RICTOR: variants seen among roughly 807,000 people sequenced by gnomAD.
RICTOR encodes rapamycin-insensitive companion of mTOR.
A neutral mutation model predicts 214.9 loss-of-function variants in RICTOR; 49 were observed. That is an observed-to-expected ratio of 0.23 (90% CI 0.18 to 0.29). RICTOR has a LOEUF of 0.29. Among genes scored for constraint, RICTOR ranks in the 10% least tolerant of loss-of-function variants. The pLI, the probability that RICTOR is intolerant of heterozygous loss-of-function variation, is 1.00. For missense variants in RICTOR, 1,625 were observed against 2,047.0 expected (o/e 0.79, Z 3.98); for synonymous variants, 717 against 711.3 (o/e 1.01, Z -0.13).
At chr5:38,980,205 T>C (rs1751588036) in intron 8 of RICTOR, among the ~76,000 whole-genome samples, 1 of 152,206 alleles carries the variant, frequency 6.6e-6, no homozygotes, top group Non-Finnish European at 1.5e-5. Flanking sequence ...TTTTCCTCTA[T>C]CTGAATCACC....
rs1022374788 is a variant in RICTOR at position 38,954,864 on chromosome 5, A to G, written c.2610-3T>C. 1.9e-5 allele frequency: 28 copies of G among 1,455,726 alleles called. No individual in the cohort carries two copies. The highest frequency in any genetic ancestry group is 2.6e-5 in the Non-Finnish European group (27 of 1,040,986). 90.2% of individuals were successfully genotyped at this position (1,455,726 alleles called of 1,614,324 possible). A position where few individuals can be genotyped will look rare whatever the true frequency, so the allele number is the denominator to read the frequency against. On this transcript the variant is annotated splice_region_variant and splice_polypyrimidine_tract_variant and intron_variant, in intron 26 of 37. Coordinates refer to ENST00000357387, the MANE Select transcript of RICTOR (RefSeq NM_152756.5). ...GGTAGACGTGAGGACGCTGTAATCT[A>G]GTATAATAAAGATGATTACTATATC... is the stretch of plus-strand genomic sequence containing the variant.
chr5:39,074,341 G>C lies in RICTOR; in HGVS notation c.37C>G (p.Leu13Val), dbSNP rs1313837026. The C allele has an allele frequency of 6.5e-7, 1 of 1,541,462 alleles. No homozygotes were observed. Among genetic ancestry groups the C allele is most frequent in the Admixed American group, 2.0e-5 (1 of 49,750 alleles). The change falls in exon 1 of 38, where the codon CTC becomes GTC. Residue 13 changes from leucine (L) to valine (V), a missense_variant. Coordinates refer to ENST00000357387, the MANE Select transcript of RICTOR (RefSeq NM_152756.5). ...AIGRGRSLKN[L>V]RVRGRNDSGE... Reference sequence around the variant, plus strand: ...GCAGCGGGCTTACCTCGTACTCGGAGGTTCTTCAGAGAGCGGCCGCGGCCG... The same window carrying C: ...GCAGCGGGCTTACCTCGTACTCGGACGTTCTTCAGAGAGCGGCCGCGGCCG...
chr5:38,949,522 T>TC (rs1748517830), intron 31 of RICTOR, 190 bp downstream of exon 31: 3 of 1,197,294 alleles, frequency 2.5e-6, no homozygotes, highest in Non-Finnish European at 3.5e-6. Flanking sequence ...AGGATTTTCT[T>TC]CCCCCCTCGC....
intron 2 of RICTOR, among the ~76,000 whole-genome samples, chr5:39,063,937 A>G (rs16868053): frequency 0.031 from 4,755 of 152,298 alleles, 125 homozygotes; most frequent in South Asian, 0.082. Flanking sequence ...CATCTTTAAC[A>G]GGATATGTTT....
At chr5:38,955,392 T>G (rs1473126898) in intron 26 of RICTOR, among the ~76,000 whole-genome samples, 1 of 151,982 alleles carries the variant, frequency 6.6e-6, no homozygotes, top group Non-Finnish European at 1.5e-5. Context: ...AAATACAGAC[T>G]GGGGTGCCAG....
chr5:39,020,318 GAA>G (rs1561539836), intron 3 of RICTOR, among the ~76,000 whole-genome samples: 1 of 152,280 alleles, frequency 6.6e-6, no homozygotes, highest in African/African-American at 2.4e-5. Flanking sequence ...ATGCTACGGA[GAA>G]ATCTTTCGTG....
chr5:39,034,641 T>G (rs1263318290), intron 2 of RICTOR, among the ~76,000 whole-genome samples: 2 of 152,212 alleles, frequency 1.3e-5, no homozygotes, highest in Non-Finnish European at 2.9e-5. Context: ...TCCAATGGGC[T>G]TAACAAACGG....
In RICTOR at chr5:38,999,753, T is replaced by C. The variant is rs143755961; in HGVS notation, c.392+2782A>G. Among the ~76,000 whole-genome samples, 233 of 152,140 alleles carry C rather than the reference T, an allele frequency of 1.5e-3. 2 individuals carry two copies. The highest frequency in any genetic ancestry group is 5.4e-3 in the African/African-American group (224 of 41,528). On this transcript the variant is annotated intron_variant, in intron 5 of 37. Coordinates refer to ENST00000357387, the MANE Select transcript of RICTOR (RefSeq NM_152756.5). The stretch of plus-strand genomic sequence containing the variant: ...TCATAAATACACACAAATAATTACA[T>C]TAGACAAAGTCCATAAATCATGCAC...
intron 2 of RICTOR, among the ~76,000 whole-genome samples, chr5:39,051,042 TACACACACACAC>T (rs111723153): frequency 5.5e-5 from 8 of 145,654 alleles, no homozygotes; most frequent in Admixed American, 2.1e-4. Flanking sequence ...TACATATATA[TACACACACACAC>T]ACACACACAC....
chr5:38,976,914 C>A (rs1751277688), intron 9 of RICTOR, among the ~76,000 whole-genome samples: 1 of 152,188 alleles, frequency 6.6e-6, no homozygotes, highest in Non-Finnish European at 1.5e-5. Flanking sequence ...ATCTCTGGGT[C>A]CTGTGAACAT....
chr5:38,943,074 G>C (rs1747766879), intron 36 of RICTOR, 103 bp from the exon 37 acceptor site: 5 of 721,852 alleles, frequency 6.9e-6, no homozygotes, highest in Non-Finnish European at 1.2e-5. Flanking sequence ...TACAGATATG[G>C]ATTAGATGGC....
chr5:38,970,479 G>A (rs1750687154), intron 11 of RICTOR: 1 of 152,166 alleles, frequency 6.6e-6, no homozygotes, highest in African/African-American at 2.4e-5. Context: ...ACAGTAAGAA[G>A]TGAATTATCT....
At chr5:38,996,741 A>C (rs749098379) in intron 6 of RICTOR, 78 bp downstream of exon 6, 74 of 847,720 alleles carry the variant, frequency 8.7e-5, no homozygotes, top group Non-Finnish European at 1.4e-4. Context: ...TAAAGATTTC[A>C]CAAAAGTCTA....
At chr5:38,948,656 G>C (rs1411451566) in intron 31 of RICTOR, among the ~76,000 whole-genome samples, 1 of 152,064 alleles carries the variant, frequency 6.6e-6, no homozygotes, top group Admixed American at 6.6e-5. Flanking sequence ...CAAAATTCAT[G>C]AACTTTACTG....
chr5:38,976,077 T>A lies in RICTOR; in HGVS notation c.822-473A>T, dbSNP rs192470782. Among the ~76,000 whole-genome samples the A allele has an allele frequency of 1.1e-3, 170 of 152,352 alleles. 1 individual carries two copies. The highest frequency in any genetic ancestry group is 7.1e-3 in the East Asian group (37 of 5,192). On this transcript the variant is annotated intron_variant, in intron 9 of 37. Transcript: ENST00000357387. Reference sequence around the variant, plus strand: ...ACTGAAATGTTATGAAATAACTACATATTAACATCACCAGCTACTTTCTTC... The same window carrying A: ...ACTGAAATGTTATGAAATAACTACAAATTAACATCACCAGCTACTTTCTTC...
At chr5:39,016,881 T>C (rs1378415445) in intron 3 of RICTOR, among the ~76,000 whole-genome samples, 1 of 152,174 alleles carries the variant, frequency 6.6e-6, no homozygotes, top group African/African-American at 2.4e-5. Flanking sequence ...AAAACTTTAG[T>C]ATGAAAAAAT....
intron 16 of RICTOR, among the ~76,000 whole-genome samples, chr5:38,964,432 A>G (rs541133306): frequency 6.6e-6 from 1 of 151,962 alleles, no homozygotes; most frequent in East Asian, 1.9e-4. Flanking sequence ...ATATATTAAT[A>G]CTGTAAAGCT....
At chr5:39,012,678 T>C (rs1754628788) in intron 3 of RICTOR, among the ~76,000 whole-genome samples, 1 of 152,176 alleles carries the variant, frequency 6.6e-6, no homozygotes, top group Non-Finnish European at 1.5e-5. Flanking sequence ...TATATAGGCT[T>C]GTTATTATAT....
chr5:38,958,343 C>A, intron 24 of RICTOR, 100 bp downstream of exon 24: 1 of 737,662 alleles, frequency 1.4e-6, no homozygotes, highest in Non-Finnish European at 2.4e-6. Flanking sequence ...AAAAGGTAAA[C>A]TCTTCAGCGT....
Sources: gnomAD v4.1 joint callset for allele counts (sites outside exome capture counted in the v4.1 genomes callset) on GRCh38, gnomAD v4.1.1 for gene constraint, MANE v1.5 for transcripts, NCBI Gene and HGNC (gene_info 2026-07-23, HGNC 2026-07-21) for gene names.